Variants in ATG16L2 observed in about 807,000 individuals in gnomAD.
ATG16L2 encodes the protein protein Atg16l2.
In ATG16L2, 77 loss-of-function variants were observed where a neutral mutation model predicts 84.7. That is an observed-to-expected ratio of 0.91 (90% CI 0.76 to 1.10). The LOEUF (loss-of-function observed/expected upper bound fraction) is 1.10. Among genes scored for constraint, ATG16L2 ranks in the 50% least tolerant of loss-of-function variants. The pLI is 0.00. For missense variants in ATG16L2, 782 were observed against 817.6 expected, an observed-to-expected ratio of 0.96 and a Z score of 0.53; for synonymous variants, 361 against 342.8, an observed-to-expected ratio of 1.05 and a Z score of -0.59.
rs753093468 is a variant in ATG16L2 at position 72,822,944 on chromosome 11, G to A, written c.807G>A (p.Lys269=). Residue 269 remains lysine, a synonymous_variant, in exon 7 of 18, where the codon AAG becomes AAA. Transcript: ENST00000321297. The surrounding 1 kb of genome is among the most constrained non-coding windows in gnomAD (Gnocchi z 4.2). ...CCCTGGAGAAGGAAGCTTGTGAGAA[G>A]TGGAAGAGGCCCTTCAGGTGAGGAC... ...PEPLEKEACE[K]WKRPFRSASA... is the part of the protein sequence containing the mutation. 1.3e-6 allele frequency: 2 copies of A among 1,570,700 alleles called. No homozygotes were observed. The highest frequency in any genetic ancestry group is 1.7e-6 in the Non-Finnish European group (2 of 1,157,156).
intron 1 of ATG16L2, chr11:72,815,747 G>C (rs1242067670): frequency 6.6e-6 from 1 of 152,358 alleles, no homozygotes; most frequent in Non-Finnish European, 1.5e-5. Flanking sequence ...CCTCAGTCAA[G>C]GTGACAGGGC....
chr11:72,817,433 A>C (rs182976224), intron 2 of ATG16L2, among the ~76,000 whole-genome samples: 14 of 152,228 alleles, frequency 9.2e-5, no homozygotes, highest in African/African-American at 3.4e-4. Context: ...GTTGGCCAGG[A>C]TGGTCTCGAT....
chr11:72,822,623 T>C lies in ATG16L2; in HGVS notation c.710+80T>C. The stretch of plus-strand genomic sequence containing the variant: ...GCCTGCGGCGACCCAGGCTGCCGAC[T>C]GTACTTGTGCACAGCCCCGTCCTGA... On this transcript the variant is annotated intron_variant, in intron 6 of 17. Coordinates refer to ENST00000321297, the MANE Select transcript of ATG16L2 (RefSeq NM_033388.2). The surrounding 1 kb of genome is among the most constrained non-coding windows in gnomAD (Gnocchi z 4.2). 1.3e-6 allele frequency: 2 copies of C among 1,554,556 alleles called. No individual in the cohort carries two copies. The highest frequency in any genetic ancestry group is 1.7e-6 in the Non-Finnish European group (2 of 1,145,068).
exon 6 of ATG16L2, chr11:72,843,358 TTA>T (rs552688952): frequency 3.9e-4 from 622 of 1,591,574 alleles, no homozygotes; most frequent in Non-Finnish European, 5.2e-4. Flanking sequence ...CAAAACAAGT[TTA>T]CACACACAAT....
intron 1 of ATG16L2, 58 bp downstream of exon 1, chr11:72,814,621 G>C: frequency 7.0e-7 from 1 of 1,433,416 alleles, no homozygotes; most frequent in South Asian, 1.3e-5. Flanking sequence ...TACGGGCGCG[G>C]GGAGAGGGTT....
At chr11:72,832,043 A>C (rs1012708309), downstream of ATG16L2, among the ~76,000 whole-genome samples, 2 of 152,044 alleles carry the variant, frequency 1.3e-5, no homozygotes, top group African/African-American at 4.8e-5. Context: ...ACCCTTTTCT[A>C]TTCTGGGTCC....
chr11:72,832,484 AGAG>A (rs1303651070), downstream of ATG16L2, among the ~76,000 whole-genome samples: 1 of 152,216 alleles, frequency 6.6e-6, no homozygotes, highest in Non-Finnish European at 1.5e-5. Flanking sequence ...CAGACTGAGC[AGAG>A]GAGTTCAGAG....
chr11:72,824,898 G>C, intron 9 of ATG16L2, 56 bp downstream of exon 9: 3 of 1,456,710 alleles, frequency 2.1e-6, no homozygotes, highest in Non-Finnish European at 2.8e-6. Context: ...TGCAGGCACA[G>C]GGGTGGTCTC....
intron 7 of ATG16L2, 69 bp from the exon 8 acceptor site, chr11:72,823,991 A>G: frequency 5.8e-6 from 9 of 1,557,744 alleles, no homozygotes; most frequent in Non-Finnish European, 8.0e-6. Context: ...CAAAGTGTGG[A>G]GATGATGGAC....
intron 14 of ATG16L2, 24 bp from the exon 15 acceptor site, chr11:72,828,335 C>T (rs1337149947): frequency 6.2e-7 from 1 of 1,613,558 alleles, no homozygotes; most frequent in African/African-American, 1.3e-5. Context: ...GTTCCTCATC[C>T]CTGTCTCTGT....
At chr11:72,825,255 G>A in intron 9 of ATG16L2, 47 bp from the exon 10 acceptor site, 1 of 1,490,434 alleles carries the variant, frequency 6.7e-7, no homozygotes, top group Non-Finnish European at 9.3e-7. Context: ...CACTCACAGA[G>A]ACATGCGCGG....
chr11:72,824,402 AT>A, intron 8 of ATG16L2: 1 of 566,706 alleles, frequency 1.8e-6, no homozygotes, highest in Non-Finnish European at 3.2e-6. Flanking sequence ...CTCCTACTCA[AT>A]TGGGAAAAAT....
intron 3 of ATG16L2, among the ~76,000 whole-genome samples, chr11:72,819,224 TC>T (rs1222637045): frequency 6.6e-6 from 1 of 152,126 alleles, no homozygotes; most frequent in African/African-American, 2.4e-5. Flanking sequence ...CTCTGACTCT[TC>T]CCAGCCCTCC....
intron 3 of ATG16L2, among the ~76,000 whole-genome samples, chr11:72,821,041 C>T (rs996483529): frequency 6.6e-6 from 1 of 152,168 alleles, no homozygotes; most frequent in Non-Finnish European, 1.5e-5. Context: ...TGGGTGAGGC[C>T]AGGAAGCCAG....
At chr11:72,827,976 CAA>C (rs1281235842) in intron 14 of ATG16L2, among the ~76,000 whole-genome samples, 1 of 151,652 alleles carries the variant, frequency 6.6e-6, no homozygotes, top group Admixed American at 6.6e-5. Flanking sequence ...AACAAAAAAA[CAA>C]AGCTAGAGCC....
In ATG16L2 at chr11:72,822,396, C is replaced by A; in HGVS notation, c.645-82C>A. ...GGAAGGGAGGGGGGCAGCAGCCGCC[C>A]CCTGGAGGAAGGGACCGGGTCTAGC... On this transcript the variant is annotated intron_variant, in intron 5 of 17. Coordinates refer to ENST00000321297, the MANE Select transcript of ATG16L2 (RefSeq NM_033388.2). This position sits in a 1 kb window ranked among gnomAD's most constrained non-coding sequence, Gnocchi z 4.2. 1.3e-6 allele frequency: 2 copies of A among 1,598,250 alleles called. No homozygotes were observed. Among genetic ancestry groups the A allele is most frequent in the Non-Finnish European group, 1.7e-6 (2 of 1,172,542 alleles).
intron 5 of ATG16L2, among the ~76,000 whole-genome samples, chr11:72,836,465 A>C (rs1860730741): frequency 6.6e-6 from 1 of 152,050 alleles, no homozygotes; most frequent in Non-Finnish European, 1.5e-5. Flanking sequence ...CCTCCCTTCT[A>C]GCACATGTCC....
At chr11:72,817,721 G>C in intron 2 of ATG16L2, 35 bp from the exon 3 acceptor site, 1 of 1,606,024 alleles carries the variant, frequency 6.2e-7, no homozygotes, top group Non-Finnish European at 8.5e-7. Context: ...TGGGTGAACC[G>C]GGGGACATTG....
intron 5 of ATG16L2, chr11:72,838,619 C>A (rs924028259): frequency 1.0e-5 from 6 of 594,646 alleles, no homozygotes; most frequent in African/African-American, 1.9e-5. Context: ...AAAAAAGGCA[C>A]GAAATATTCA....
Sources: allele counts gnomAD v4.1 joint callset (sites outside exome capture counted in the v4.1 genomes callset), GRCh38; gene constraint gnomAD v4.1.1; non-coding constraint Gnocchi (gnomAD v3.1); transcripts MANE v1.5; gene names NCBI Gene and HGNC (gene_info 2026-07-23, HGNC 2026-07-21).